Variants in NCKAP1L observed in about 807,000 individuals in gnomAD.
NCKAP1L encodes nck-associated protein 1-like.
A neutral mutation model predicts 139.2 loss-of-function variants in NCKAP1L; 53 were observed. That is an observed-to-expected ratio of 0.38 (90% confidence interval 0.31 to 0.48). NCKAP1L has a LOEUF of 0.48. Ranked by LOEUF, NCKAP1L falls within the 20% of genes least tolerant of loss-of-function variation. NCKAP1L has a pLI of 0.98. For missense variants in NCKAP1L, 1,151 were observed against 1,381.9 expected (o/e 0.83, Z 2.65); for synonymous variants, 468 against 499.7 (o/e 0.94, Z 0.85).
chr12:54,524,326 A>T (rs1288508383), intron 20 of NCKAP1L, among the ~76,000 whole-genome samples: 1 of 152,228 alleles, frequency 6.6e-6, no homozygotes, highest in Admixed American at 6.5e-5. Flanking sequence ...TAAAGTAAGG[A>T]TAATGGTATT....
intron 9 of NCKAP1L, among the ~76,000 whole-genome samples, chr12:54,514,603 G>A (rs557063674): frequency 9.9e-5 from 15 of 152,240 alleles, no homozygotes; most frequent in African/African-American, 2.6e-4. Context: ...GATTACAGGC[G>A]TGAGCCACCG....
At chr12:54,498,747 G>A (rs1355932614) in intron 1 of NCKAP1L, 2 of 981,348 alleles carry the variant, frequency 2.0e-6, no homozygotes, top group Admixed American at 6.2e-5. Context: ...TGTTCCTTCC[G>A]GCTTCAGTTG....
chr12:54,544,822 A>G lies in NCKAP1L; in HGVS notation c.*2137A>G, dbSNP rs1396752412. ...GAGAGCAGCCTGGCCAATATAGTGA[A>G]ACACCGTCTCTACTAAAAATACCAA... is the stretch of plus-strand genomic sequence containing the variant. On this transcript the variant is annotated 3_prime_UTR_variant, in exon 31 of 31. Coordinates refer to ENST00000293373, the MANE Select transcript of NCKAP1L (RefSeq NM_005337.5). 6.6e-6 allele frequency: 1 copy of G among 152,182 alleles called. No individual in the cohort carries two copies. The highest frequency in any genetic ancestry group is 2.4e-5 in the African/African-American group (1 of 41,406). 9.4% of individuals were successfully genotyped at this position (152,182 alleles called of 1,614,324 possible).
chr12:54,544,388 G>T lies in NCKAP1L; in HGVS notation c.*1703G>T, dbSNP rs886691199. On this transcript the variant is annotated 3_prime_UTR_variant, in exon 31 of 31. Coordinates refer to ENST00000293373, the MANE Select transcript of NCKAP1L (RefSeq NM_005337.5). ...GACAGCAAGACAAGTTGCTGCAGGGGGATGGAGGGTAGACAGAATGCCTTT... is the reference window on the plus strand; with the variant it reads ...GACAGCAAGACAAGTTGCTGCAGGGTGATGGAGGGTAGACAGAATGCCTTT... 1 of 152,170 alleles carries T rather than the reference G, an allele frequency of 6.6e-6. No homozygotes were observed. The highest frequency in any genetic ancestry group is 1.5e-5 in the Non-Finnish European group (1 of 68,036). The allele number at this position is 152,170 out of a possible 1,614,324, so 9.4% of individuals were successfully genotyped here.
At chr12:54,515,848 G>A (rs1376211420) in intron 9 of NCKAP1L, among the ~76,000 whole-genome samples, 1 of 152,294 alleles carries the variant, frequency 6.6e-6, no homozygotes, top group African/African-American at 2.4e-5. Flanking sequence ...CTTGAGAGCA[G>A]GGCCTGTGTT....
intron 18 of NCKAP1L, 72 bp from the exon 19 acceptor site, chr12:54,523,322 C>A: frequency 1.3e-6 from 2 of 1,523,706 alleles, no homozygotes; most frequent in South Asian, 2.5e-5. Context: ...GGACAACAAC[C>A]TTTTTATAAC....
chr12:54,505,667 C>CTTTTTTT, intron 3 of NCKAP1L, among the ~76,000 whole-genome samples: 1 of 144,610 alleles, frequency 6.9e-6, no homozygotes, highest in Non-Finnish European at 1.5e-5. Context: ...CCCGTCCTCC[C>CTTTTTTT]TTTTTTTTTT....
chr12:54,531,048 G>C (rs1957064987), intron 22 of NCKAP1L, among the ~76,000 whole-genome samples: 2 of 152,178 alleles, frequency 1.3e-5, no homozygotes, highest in South Asian at 4.1e-4. Context: ...GGTAAGTCTT[G>C]GTGTGAGTAC....
intron 3 of NCKAP1L, among the ~76,000 whole-genome samples, chr12:54,506,374 A>G (rs1280636570): frequency 6.6e-6 from 1 of 151,926 alleles, no homozygotes; most frequent in Non-Finnish European, 1.5e-5. Context: ...GGCTAATATC[A>G]TTGAACATCT....
At chr12:54,507,186 G>A (rs760732020) in intron 3 of NCKAP1L, among the ~76,000 whole-genome samples, 5 of 151,874 alleles carry the variant, frequency 3.3e-5, no homozygotes, top group African/African-American at 7.3e-5. Context: ...AATAATATCA[G>A]GTTGCTAAAG....
chr12:54,539,449 G>A (rs771402385), intron 30 of NCKAP1L, among the ~76,000 whole-genome samples: 12 of 152,244 alleles, frequency 7.9e-5, no homozygotes, highest in Admixed American at 3.3e-4. Flanking sequence ...AAGCTCTAAG[G>A]CAGGGAGCCT....
In NCKAP1L at chr12:54,533,312, A is replaced by T. The variant is rs576269267; in HGVS notation, c.2862+1062A>T. Among the ~76,000 whole-genome samples, 78 of 152,302 alleles carry T rather than the reference A, an allele frequency of 5.1e-4. No individual in the cohort carries two copies. In the South Asian group the frequency reaches 9.1e-3, roughly 18 times the overall value. ...AATAAGCAGGTAGGGGCAGAGAGGGAGGATGGCCTGTCCATCAGAGATGCT... is the reference window on the plus strand; with the variant it reads ...AATAAGCAGGTAGGGGCAGAGAGGGTGGATGGCCTGTCCATCAGAGATGCT... On this transcript the variant is annotated intron_variant, in intron 26 of 30. Transcript: ENST00000293373.
At chr12:54,536,074 C>A in intron 27 of NCKAP1L, 55 bp from the exon 28 acceptor site, 1 of 1,288,042 alleles carries the variant, frequency 7.8e-7, no homozygotes, top group Non-Finnish European at 1.1e-6. Context: ...TAACAGATAA[C>A]TTCTGTTTGC....
intron 26 of NCKAP1L, among the ~76,000 whole-genome samples, chr12:54,532,834 T>A (rs979769073): frequency 1.3e-5 from 2 of 152,128 alleles, no homozygotes; most frequent in East Asian, 3.9e-4. Context: ...CACCTTTGAG[T>A]CATCTTGTCT....
chr12:54,529,280 T>C (rs1290657356), intron 22 of NCKAP1L, among the ~76,000 whole-genome samples: 1 of 152,096 alleles, frequency 6.6e-6, no homozygotes, highest in African/African-American at 2.4e-5. Flanking sequence ...TAGAAGTGCT[T>C]TTGTGTCTCA....
At chr12:54,525,505 G>A (rs947004978) in intron 20 of NCKAP1L, among the ~76,000 whole-genome samples, 2 of 152,164 alleles carry the variant, frequency 1.3e-5, no homozygotes, top group Non-Finnish European at 2.9e-5. Context: ...CCAGGCCCTG[G>A]AGCAGCATGA....
At chr12:54,509,780 G>A in intron 6 of NCKAP1L, 21 bp downstream of exon 6, 1 of 1,614,126 alleles carries the variant, frequency 6.2e-7, no homozygotes, top group Non-Finnish European at 8.5e-7. Context: ...TGACAATGGA[G>A]AATTCCTCAG....
At chr12:54,505,901 A>G (rs1956836277) in intron 3 of NCKAP1L, among the ~76,000 whole-genome samples, 1 of 152,200 alleles carries the variant, frequency 6.6e-6, no homozygotes, top group Admixed American at 6.5e-5. Flanking sequence ...ACCTCAGGTG[A>G]TCTGCCCACC....
intron 22 of NCKAP1L, among the ~76,000 whole-genome samples, chr12:54,530,884 T>A (rs572112142): frequency 6.6e-6 from 1 of 152,348 alleles, no homozygotes; most frequent in South Asian, 2.1e-4. Flanking sequence ...TACAGAGAAG[T>A]AAACCAGGCT....
Sources: gnomAD v4.1 joint callset for allele counts (sites outside exome capture counted in the v4.1 genomes callset) on GRCh38, gnomAD v4.1.1 for gene constraint, MANE v1.5 for transcripts, NCBI Gene and HGNC (gene_info 2026-07-23, HGNC 2026-07-21) for gene names.